CTNNA2: variants seen among roughly 807,000 people sequenced by gnomAD.
CTNNA2 encodes the protein catenin alpha-2.
A neutral mutation model predicts 101.0 loss-of-function variants in CTNNA2; 42 were observed. The observed-to-expected ratio is 0.42, with a 90% CI of 0.32 to 0.54. The LOEUF (loss-of-function observed/expected upper bound fraction) is 0.54. CTNNA2 is among the 20% of genes least tolerant of loss of function. The probability of loss-of-function intolerance (pLI) is 0.14; values close to 1 mark genes in which losing one functional copy is unlikely to be tolerated. For missense variants in CTNNA2, 871 were observed against 1,223.1 expected (o/e 0.71, Z 4.29); for synonymous variants, 450 against 456.4 (o/e 0.99, Z 0.18).
intron 8 of CTNNA2, among the ~76,000 whole-genome samples, chr2:80,416,636 T>A (rs555569923): frequency 6.6e-6 from 1 of 152,236 alleles, no homozygotes; most frequent in South Asian, 2.1e-4. Context: ...CTATTCCCTT[T>A]CTCATCCCCT....
chr2:79,871,722 T>A (rs137904299), intron 5 of CTNNA2, among the ~76,000 whole-genome samples: 4 of 152,164 alleles, frequency 2.6e-5, no homozygotes, highest in African/African-American at 7.2e-5. Flanking sequence ...GCCTTCTAGA[T>A]ACCCCTCAAT....
At chr2:80,333,324 T>C (rs1407904105) in intron 7 of CTNNA2, among the ~76,000 whole-genome samples, 2 of 152,200 alleles carry the variant, frequency 1.3e-5, no homozygotes, top group Non-Finnish European at 2.9e-5. Context: ...TCCAAGGGCT[T>C]ATCTCATGGT....
chr2:79,199,000 C>A (rs1455638461), intron 2 of CTNNA2, among the ~76,000 whole-genome samples: 1 of 152,152 alleles, frequency 6.6e-6, no homozygotes, highest in Non-Finnish European at 1.5e-5. Context: ...CAAATGGAAG[C>A]AAACTGACTT....
rs575044816 is a variant in CTNNA2 at position 79,265,645 on chromosome 2, A to C, written c.-405-47064A>C. ...ATCTCAAAGCCAAGGGTTTGGCTGA[A>C]CATATACGTTTACAGAATTGTAAAT... On this transcript the variant is annotated intron_variant, in intron 2 of 21. Coordinates refer to the CTNNA2 transcript ENST00000466387. 3.9e-5 allele frequency among the ~76,000 whole-genome samples: 6 copies of C among 152,204 alleles called. No homozygotes were observed. The South Asian group carries it at 1.2e-3, about 31-fold the overall frequency.
At chr2:79,816,010 T>G (rs1201707005) in intron 3 of CTNNA2, among the ~76,000 whole-genome samples, 5 of 151,432 alleles carry the variant, frequency 3.3e-5, no homozygotes, top group African/African-American at 1.2e-4. Flanking sequence ...TTTTTTTTTG[T>G]AGCTATTGTA....
chr2:79,325,929 T>A (rs573757348), intron 3 of CTNNA2, among the ~76,000 whole-genome samples: 8 of 152,314 alleles, frequency 5.3e-5, no homozygotes, highest in African/African-American at 1.7e-4. Flanking sequence ...TGTGAAATGT[T>A]TAGAGAGACC....
intron 7 of CTNNA2, among the ~76,000 whole-genome samples, chr2:80,241,753 T>G (rs972214064): frequency 3.3e-5 from 5 of 152,188 alleles, no homozygotes; most frequent in Admixed American, 6.5e-5. Flanking sequence ...CAGTTGGATC[T>G]AGAAGTCAGT....
chr2:79,814,948 A>AT (rs1677363994), intron 3 of CTNNA2, among the ~76,000 whole-genome samples: 1 of 151,956 alleles, frequency 6.6e-6, no homozygotes, highest in Admixed American at 6.6e-5. Flanking sequence ...CTGTCTTTTG[A>AT]TTTTTTGATT....
At chr2:80,458,476 G>C (rs1226398178) in intron 9 of CTNNA2, among the ~76,000 whole-genome samples, 3 of 152,072 alleles carry the variant, frequency 2.0e-5, no homozygotes, top group Non-Finnish European at 4.4e-5. Flanking sequence ...AAAATATGTA[G>C]ACTATTGACA....
rs187040514 is a variant in CTNNA2, at chr2:79,789,758, T to A, written c.298+45176T>A. Among the ~76,000 whole-genome samples the A allele has an allele frequency of 6.6e-5, 10 of 152,152 alleles. No individual in the cohort carries two copies. The East Asian group carries it at 1.9e-3, about 29-fold the overall frequency. On this transcript the variant is annotated intron_variant, in intron 3 of 18. Coordinates refer to ENST00000402739, the MANE Select transcript of CTNNA2 (RefSeq NM_001282597.3). The stretch of plus-strand genomic sequence containing the variant: ...GAAAATTGGGAAGTAGAGGATGGTG[T>A]CCAGGGGCCCCTCATCAAGACTGTG...
At chr2:80,173,498 C>A (rs1041529644) in intron 7 of CTNNA2, among the ~76,000 whole-genome samples, 3 of 152,076 alleles carry the variant, frequency 2.0e-5, no homozygotes, top group Admixed American at 6.6e-5. Context: ...AAAAAGAACT[C>A]TAAATAAGAC....
At chr2:80,292,261 A>C (rs2149181627) in intron 7 of CTNNA2, among the ~76,000 whole-genome samples, 1 of 152,308 alleles carries the variant, frequency 6.6e-6, no homozygotes, top group Non-Finnish European at 1.5e-5. Flanking sequence ...CAATGGGCTT[A>C]ATTCTTATAA....
chr2:79,531,683 ATT>A (rs1261877234), intron 1 of CTNNA2, among the ~76,000 whole-genome samples: 10 of 142,968 alleles, frequency 7.0e-5, no homozygotes, highest in South Asian at 2.2e-4. Flanking sequence ...ATGTTAGTAA[ATT>A]TTTTTTTTTT....
chr2:80,572,984 C>T (rs931754186), intron 12 of CTNNA2: 4 of 152,102 alleles, frequency 2.6e-5, no homozygotes, highest in Admixed American at 1.3e-4. Context: ...ATCTTGAATA[C>T]TCTGACCCTA....
chr2:80,303,853 TC>T lies in CTNNA2; in HGVS notation c.1057-89356del. On this transcript the variant is annotated intron_variant, in intron 7 of 18. Transcript: ENST00000402739. The surrounding 1 kb of genome is among the most constrained non-coding windows in gnomAD (Gnocchi z 7.7). ...ATCTTTCCAGAGAGACTGGAGAATG[TC>T]CATTGGAAGCGCTCGGTCAGAAATC... 6.7e-7 allele frequency: 1 copy of T among 1,485,208 alleles called. No homozygotes were observed. Among genetic ancestry groups the T allele is most frequent in the Non-Finnish European group, 9.0e-7 (1 of 1,116,734 alleles). The allele number at this position is 1,485,208 out of a possible 1,614,324, so 92.0% of individuals were successfully genotyped here.
chr2:80,463,820 G>A lies in CTNNA2; in HGVS notation c.1290+44219G>A, dbSNP rs143321057. 4.2e-3 allele frequency among the ~76,000 whole-genome samples: 635 copies of A among 152,206 alleles called. 6 individuals carry two copies. The highest frequency in any genetic ancestry group is 0.014 in the African/African-American group (601 of 41,534). On this transcript the variant is annotated intron_variant, in intron 9 of 18. Coordinates refer to ENST00000402739, the MANE Select transcript of CTNNA2 (RefSeq NM_001282597.3). ...AGGCAGTTTGGCTAAAGGATAAATGGCTTGCCCCAAGGCACATTGCTGTAC... is the reference window on the plus strand; with the variant it reads ...AGGCAGTTTGGCTAAAGGATAAATGACTTGCCCCAAGGCACATTGCTGTAC...
intron 1 of CTNNA2, among the ~76,000 whole-genome samples, chr2:79,542,418 G>A (rs1673482102): frequency 6.6e-6 from 1 of 152,126 alleles, no homozygotes; most frequent in Admixed American, 6.6e-5. Context: ...GAATGTAATT[G>A]ACTTTTGTAT....
chr2:79,268,766 G>A (rs1279069341), intron 2 of CTNNA2, among the ~76,000 whole-genome samples: 2 of 152,094 alleles, frequency 1.3e-5, no homozygotes, highest in Non-Finnish European at 2.9e-5. Context: ...CCACACATGT[G>A]TACAGAAAAG....
intron 2 of CTNNA2, among the ~76,000 whole-genome samples, chr2:79,720,791 G>A (rs1243290090): frequency 1.3e-5 from 2 of 151,940 alleles, no homozygotes; most frequent in Non-Finnish European, 2.9e-5. Context: ...AGTCTTTAGG[G>A]TTTTCTAGAT....
Sources: gnomAD v4.1 joint callset for allele counts (sites outside exome capture counted in the v4.1 genomes callset) on GRCh38, gnomAD v4.1.1 for gene constraint, Gnocchi (gnomAD v3.1) non-coding constraint, MANE v1.5 for transcripts, NCBI Gene and HGNC (gene_info 2026-07-23, HGNC 2026-07-21) for gene names.